The following TSC22D4 variants were observed in gnomAD, a reference collection of about 807,000 sequenced individuals.
The protein encoded by TSC22D4 is TSC22 domain family member 4.
In TSC22D4, 5 loss-of-function variants were observed where a neutral mutation model predicts 24.9. The observed-to-expected ratio is 0.20, with a 90% CI of 0.10 to 0.42. The LOEUF (loss-of-function observed/expected upper bound fraction) is 0.42, where lower values mean the gene tolerates loss of function less well. TSC22D4 is among the 10% of genes least tolerant of loss of function. The probability of loss-of-function intolerance (pLI) is 1.00; values close to 1 mark genes in which losing one functional copy is unlikely to be tolerated. For synonymous variants in TSC22D4, 245 were observed against 243.2 expected, an observed-to-expected ratio of 1.01 and a Z score of -0.07; for missense variants, 469 against 547.9, an observed-to-expected ratio of 0.86 and a Z score of 1.44.
intron 3 of TSC22D4, 37 bp from the exon 4 acceptor site, chr7:100,467,637 A>G (rs2131039264): frequency 1.2e-6 from 2 of 1,606,910 alleles, no homozygotes; most frequent in Middle Eastern, 3.3e-4. Context: ...AGGAGAGGAG[A>G]AGCCTTCCCA....
intron 3 of TSC22D4, chr7:100,467,885 C>G (rs1799316618): frequency 1.6e-6 from 1 of 622,520 alleles, no homozygotes; most frequent in East Asian, 3.4e-5. Context: ...GCCATCCCCA[C>G]CACTCGGGTC....
rs532926094 is a variant in TSC22D4, at chr7:100,475,419, TAGAG to T, written c.763-983_763-980del. On this transcript the variant is annotated intron_variant, in intron 2 of 4. Coordinates refer to ENST00000300181, the MANE Select transcript of TSC22D4 (RefSeq NM_030935.5). ...TTAAAATGACTCCAATGTCACCTCT[TAGAG>T]AGGCATTTCCCCATCATTCACTGGT... 6.6e-5 allele frequency among the ~76,000 whole-genome samples: 10 copies of T among 152,330 alleles called. No individual in the cohort carries two copies. In the South Asian group the frequency reaches 1.7e-3, roughly 25 times the overall value.
rs1235110179 is a variant in TSC22D4 at position 100,478,122 on chromosome 7, G to C, written c.-84C>G. On this transcript the variant is annotated 5_prime_UTR_variant, in exon 2 of 5. Coordinates refer to ENST00000300181, the MANE Select transcript of TSC22D4 (RefSeq NM_030935.5). ...GCTCAGGCACCCCTGGAACAAGGGG[G>C]CCACATGGCGGGGACATCCGAGCCC... 1 of 1,224,168 alleles carries C rather than the reference G, an allele frequency of 8.2e-7. No individual in the cohort carries two copies. Among genetic ancestry groups the C allele is most frequent in the Admixed American group, 2.7e-5 (1 of 37,518 alleles). The allele number at this position is 1,224,168 out of a possible 1,614,324, so 75.8% of individuals were successfully genotyped here.
intron 2 of TSC22D4, among the ~76,000 whole-genome samples, chr7:100,475,782 C>T (rs1182383286): frequency 2.6e-5 from 4 of 151,986 alleles, no homozygotes. Flanking sequence ...GCGACAGGAA[C>T]ATGACAAGAC....
chr7:100,471,050 C>T (rs1799381857), intron 3 of TSC22D4, among the ~76,000 whole-genome samples: 2 of 152,212 alleles, frequency 1.3e-5, no homozygotes, highest in East Asian at 1.9e-4. Context: ...AAAAGCAGGA[C>T]ACCTGGGAGA....
In TSC22D4 at chr7:100,474,548, T is replaced by C; in HGVS notation, c.763-108A>G. ...CTCCCTCTCCACCTCCCCACTCTCT[T>C]TCGAGGACCCAGGAGTCCTGTCCCC... On this transcript the variant is annotated intron_variant, in intron 2 of 4. Coordinates refer to ENST00000300181, the MANE Select transcript of TSC22D4 (RefSeq NM_030935.5). This position sits in a 1 kb window ranked among gnomAD's most constrained non-coding sequence, Gnocchi z 4.3. 1 of 1,349,264 alleles carries C rather than the reference T, an allele frequency of 7.4e-7. No homozygotes were observed. Among genetic ancestry groups the C allele is most frequent in the East Asian group, 2.5e-5 (1 of 39,848 alleles). The allele number at this position is 1,349,264 out of a possible 1,614,324, so 83.6% of individuals were successfully genotyped here. A position where few individuals can be genotyped will look rare whatever the true frequency, so the allele number is the denominator to read the frequency against.
At position 100,471,317 on chromosome 7, in the gene TSC22D4, C is replaced by T. The variant is rs745475729; in HGVS notation, c.929+2957G>A. ...GAGAAAGGATATTGTAGACCATTGCCGCCACCTCTTTGCCTGGGACACAGG... is the reference window on the plus strand; with the variant it reads ...GAGAAAGGATATTGTAGACCATTGCTGCCACCTCTTTGCCTGGGACACAGG... On this transcript the variant is annotated intron_variant, in intron 3 of 4. Transcript: ENST00000300181. Among the ~76,000 whole-genome samples the T allele has an allele frequency of 1.9e-4, 29 of 152,258 alleles. No homozygotes were observed. In the Middle Eastern group the frequency reaches 0.014, roughly 71 times the overall value.
Position 100,478,884 on chromosome 7 carries a change from A to G in TSC22D4, c.-360T>C, listed in dbSNP as rs1799567330. The G allele has an allele frequency of 1.3e-5, 2 of 152,240 alleles. No individual in the cohort carries two copies. The highest frequency in any genetic ancestry group is 4.8e-5 in the African/African-American group (2 of 41,552). 9.4% of individuals were successfully genotyped at this position (152,240 alleles called of 1,614,324 possible). A position where few individuals can be genotyped will look rare whatever the true frequency, so the allele number is the denominator to read the frequency against. On this transcript the variant is annotated 5_prime_UTR_variant, in exon 1 of 5. Coordinates refer to ENST00000300181, the MANE Select transcript of TSC22D4 (RefSeq NM_030935.5). ...TCCCTGGGGCCTCCTGGCCATGGGC[A>G]GTGGCGGGGCACGCAGGCGGCGATC... is the stretch of plus-strand genomic sequence containing the variant.
intron 3 of TSC22D4, among the ~76,000 whole-genome samples, chr7:100,470,467 T>C (rs1465572412): frequency 3.3e-5 from 5 of 152,130 alleles, no homozygotes; most frequent in Non-Finnish European, 7.4e-5. Context: ...AATTTTTGTA[T>C]TTTTGCCGGG....
intron 3 of TSC22D4, 60 bp from the exon 4 acceptor site, chr7:100,467,660 T>G: frequency 6.5e-7 from 1 of 1,540,624 alleles, no homozygotes; most frequent in Non-Finnish European, 9.0e-7. Context: ...TGCTGGTTTC[T>G]TGGACCACAG....
In TSC22D4 at chr7:100,477,187, G is replaced by T; in HGVS notation, c.762+90C>A. The T allele has an allele frequency of 7.5e-6, 8 of 1,070,106 alleles. 1 individual carries two copies. The highest frequency in any genetic ancestry group is 5.8e-5 in the Admixed American group (2 of 34,686). The allele number at this position is 1,070,106 out of a possible 1,614,324, so 66.3% of individuals were successfully genotyped here. A position where few individuals can be genotyped will look rare whatever the true frequency, so the allele number is the denominator to read the frequency against. ...CTGATCTTATAAAGTGATGGAGAAG[G>T]AGGAGGAGAGGGGGGGGAGGAGGAG... On this transcript the variant is annotated intron_variant, in intron 2 of 4. Transcript: ENST00000300181. This position sits in a 1 kb window ranked among gnomAD's most constrained non-coding sequence, Gnocchi z 7.8.
intron 3 of TSC22D4, among the ~76,000 whole-genome samples, chr7:100,471,432 C>G (rs1218100049): frequency 1.3e-5 from 2 of 152,084 alleles, no homozygotes; most frequent in Non-Finnish European, 2.9e-5. Flanking sequence ...CTGGGTGGCC[C>G]TTGGGCAAGT....
Position 100,478,320 on chromosome 7 carries a change from G to C in TSC22D4, c.-269-13C>G. On this transcript the variant is annotated splice_polypyrimidine_tract_variant and intron_variant, in intron 1 of 4. Coordinates refer to ENST00000300181, the MANE Select transcript of TSC22D4 (RefSeq NM_030935.5). ...CTGAGTTTGCAAACTGGAAAAAGAG[G>C]GGGAGAGAGAGAGAGAGAGAGAGAG... 1 of 318,548 alleles carries C rather than the reference G, an allele frequency of 3.1e-6. No homozygotes were observed. The highest frequency in any genetic ancestry group is 5.6e-6 in the Non-Finnish European group (1 of 179,392). 19.7% of individuals were successfully genotyped at this position (318,548 alleles called of 1,614,324 possible). A position where few individuals can be genotyped will look rare whatever the true frequency, so the allele number is the denominator to read the frequency against.
chr7:100,477,473 G>A lies in TSC22D4; in HGVS notation c.566C>T (p.Ser189Phe), dbSNP rs1330271801. The A allele has an allele frequency of 8.4e-6, 13 of 1,552,788 alleles. No homozygotes were observed. Among genetic ancestry groups the A allele is most frequent in the Non-Finnish European group, 1.1e-5 (13 of 1,151,292 alleles). ...AKAEKPPLSA[S>F]SPQQRPPEPE... Reference sequence around the variant, plus strand: ...CTCTGGGGGGCGCTGCTGGGGTGAGGAGGCCGACAGTGGGGGTTTCTCTGC... The same window carrying A: ...CTCTGGGGGGCGCTGCTGGGGTGAGAAGGCCGACAGTGGGGGTTTCTCTGC... The change falls in exon 2 of 5, where the codon TCC becomes TTC. Residue 189 changes from serine (S) to phenylalanine (F), a missense_variant. Ser to Phe is a radical substitution (Grantham distance 155, BLOSUM62 -2). Transcript: ENST00000300181. The surrounding 1 kb of genome is among the most constrained non-coding windows in gnomAD (Gnocchi z 7.8).
intron 2 of TSC22D4, among the ~76,000 whole-genome samples, chr7:100,475,544 T>C (rs1027321874): frequency 1.3e-5 from 2 of 152,194 alleles, no homozygotes; most frequent in Admixed American, 6.5e-5. Context: ...GTTTGCTCAG[T>C]AGCTATTTGT....
chr7:100,466,830 C>T lies in TSC22D4; in HGVS notation c.*129G>A. On this transcript the variant is annotated 3_prime_UTR_variant, in exon 5 of 5. Coordinates refer to ENST00000300181, the MANE Select transcript of TSC22D4 (RefSeq NM_030935.5). Reference sequence around the variant, plus strand: ...AGGAGATGGGGCAGGGGCCGGGGGACCAGGCCATTACTGAGCCTTGAACTC... The same window carrying T: ...AGGAGATGGGGCAGGGGCCGGGGGATCAGGCCATTACTGAGCCTTGAACTC... 4.4e-6 allele frequency: 4 copies of T among 908,756 alleles called. No individual in the cohort carries two copies. Among genetic ancestry groups the T allele is most frequent in the Non-Finnish European group, 6.6e-6 (4 of 608,172 alleles). The allele number at this position is 908,756 out of a possible 1,614,324, so 56.3% of individuals were successfully genotyped here.
At chr7:100,476,414 G>C (rs1308581172) in intron 2 of TSC22D4, among the ~76,000 whole-genome samples, 1 of 152,052 alleles carries the variant, frequency 6.6e-6, no homozygotes, top group East Asian at 1.9e-4. Context: ...CACACTCCCT[G>C]CCTTTCCCCA....
intron 1 of TSC22D4, 142 bp from the exon 2 acceptor site, chr7:100,478,449 G>C (rs909548918): frequency 9.3e-5 from 19 of 204,112 alleles, no homozygotes; most frequent in African/African-American, 4.5e-4. Context: ...GGGGAGCAGA[G>C]TGGGGGAAGG....
chr7:100,466,913 C>T lies in TSC22D4; in HGVS notation c.*46G>A, dbSNP rs376453793. On this transcript the variant is annotated 3_prime_UTR_variant, in exon 5 of 5. Coordinates refer to ENST00000300181, the MANE Select transcript of TSC22D4 (RefSeq NM_030935.5). ...ATAGGAAGAGGGGGCAGGCGGCTGA[C>T]GCAAGGCCGGGCAGCCCCAAAGGCA... 1.6e-4 allele frequency: 232 copies of T among 1,479,778 alleles called. No homozygotes were observed. The highest frequency in any genetic ancestry group is 2.3e-4 in the South Asian group (17 of 73,998). 91.7% of individuals were successfully genotyped at this position (1,479,778 alleles called of 1,614,324 possible). A position where few individuals can be genotyped will look rare whatever the true frequency, so the allele number is the denominator to read the frequency against.
Sources: allele counts gnomAD v4.1 joint callset (sites outside exome capture counted in the v4.1 genomes callset), GRCh38; gene constraint gnomAD v4.1.1; non-coding constraint Gnocchi (gnomAD v3.1); transcripts MANE v1.5; gene names NCBI Gene and HGNC (gene_info 2026-07-23, HGNC 2026-07-21).